The following UTS2 variants were observed in gnomAD, a reference collection of about 807,000 sequenced individuals.
UTS2 encodes urotensin 2, also known as urotensin-2.
UTS2 carries 10 observed loss-of-function variants against 12.6 expected under a neutral mutation model. That is an observed-to-expected ratio of 0.80 (90% CI 0.49 to 1.35). The LOEUF (loss-of-function observed/expected upper bound fraction) is 1.35. Among genes scored for constraint, UTS2 ranks in the 40% most tolerant of loss-of-function variants. UTS2 has a pLI of 0.00. For missense variants in UTS2, 142 were observed against 143.2 expected (o/e 0.99, Z 0.04); for synonymous variants, 52 against 50.0 (o/e 1.04, Z -0.17).
the UTS2 span, among the ~76,000 whole-genome samples, chr1:7,894,013 G>A: frequency 1.3e-5 from 2 of 152,106 alleles, no homozygotes; most frequent in East Asian, 3.8e-4. Context: ...CCCAGTGGTG[G>A]GGGTGCTTGG....
At chr1:7,911,738 C>T in the UTS2 span, among the ~76,000 whole-genome samples, 1 of 151,964 alleles carries the variant, frequency 6.6e-6, no homozygotes, top group African/African-American at 2.4e-5. Context: ...CCCGTCTCTA[C>T]TAAAAATACA....
chr1:7,892,901 T>C, the UTS2 span, among the ~76,000 whole-genome samples: 1 of 152,240 alleles, frequency 6.6e-6, no homozygotes, highest in Middle Eastern at 3.4e-3. Context: ...AAAAGTCCTT[T>C]TTGCCATGAA....
the UTS2 span, among the ~76,000 whole-genome samples, chr1:7,898,713 G>A: frequency 3.9e-5 from 6 of 151,910 alleles, no homozygotes; most frequent in Non-Finnish European, 5.9e-5. Flanking sequence ...TCCTGACCTC[G>A]TGATCCACCC....
the UTS2 span, among the ~76,000 whole-genome samples, chr1:7,896,342 C>A: frequency 5.3e-5 from 8 of 151,862 alleles, no homozygotes; most frequent in Non-Finnish European, 1.0e-4. Flanking sequence ...GTTAAAACTT[C>A]ATCAAATTAA....
At chr1:7,906,474 A>AGAAAGAAG in the UTS2 span, among the ~76,000 whole-genome samples, 2 of 146,056 alleles carry the variant, frequency 1.4e-5, no homozygotes, top group Non-Finnish European at 3.0e-5. Flanking sequence ...AAAGAAAGAA[A>AGAAAGAAG]GAAAGAAAGA....
the UTS2 span, among the ~76,000 whole-genome samples, chr1:7,891,578 AAGAAAGAAAGAAAG>A: frequency 6.6e-6 from 1 of 151,530 alleles, no homozygotes; most frequent in African/African-American, 2.4e-5. Context: ...GAAAGAAAGA[AAGAAAGAAAGAAAG>A]AAAGAAAATT....
At chr1:7,906,976 C>A in the UTS2 span, among the ~76,000 whole-genome samples, 1 of 152,062 alleles carries the variant, frequency 6.6e-6, no homozygotes, top group African/African-American at 2.4e-5. Context: ...ATGGGCTGCA[C>A]GCAGTGGCTC....
the UTS2 span, among the ~76,000 whole-genome samples, chr1:7,881,490 A>G: frequency 6.6e-6 from 1 of 152,230 alleles, no homozygotes; most frequent in Non-Finnish European, 1.5e-5. Flanking sequence ...ATACACCAAT[A>G]ATGAACTGAG....
chr1:7,881,489 T>C, the UTS2 span, among the ~76,000 whole-genome samples: 2 of 152,124 alleles, frequency 1.3e-5, no homozygotes, highest in African/African-American at 4.8e-5. Flanking sequence ...CATACACCAA[T>C]AATGAACTGA....
At chr1:7,858,295 A>T (rs1243794866), upstream of UTS2, among the ~76,000 whole-genome samples, 2 of 152,186 alleles carry the variant, frequency 1.3e-5, no homozygotes, top group African/African-American at 4.8e-5. Flanking sequence ...ATGGCTTCAC[A>T]TCTGTGCCAG....
the UTS2 span, among the ~76,000 whole-genome samples, chr1:7,884,302 A>ATTTT: frequency 0.014 from 1,906 of 140,130 alleles, 54 homozygotes; most frequent in African/African-American, 0.047. Context: ...ATAACATCTG[A>ATTTT]TTTTTTTTTT....
At chr1:7,849,313 C>T (rs1989147) in intron 3 of UTS2, among the ~76,000 whole-genome samples, 23,115 of 152,084 alleles carry the variant, frequency 0.15, 2,043 homozygotes, top group Admixed American at 0.19. Flanking sequence ...CTCCCGGGTT[C>T]AAGCGATTCT....
the UTS2 span, among the ~76,000 whole-genome samples, chr1:7,875,113 C>T: frequency 4.0e-5 from 6 of 150,768 alleles, no homozygotes; most frequent in Admixed American, 3.3e-4. Flanking sequence ...CTCACTCTGT[C>T]GCCCAGGCTG....
At chr1:7,913,228 C>G in the UTS2 span, among the ~76,000 whole-genome samples, 1 of 151,410 alleles carries the variant, frequency 6.6e-6, no homozygotes, top group African/African-American at 2.4e-5. Context: ...CCGGCAGTCT[C>G]TAGCTCAGCC....
chr1:7,905,811 G>A, the UTS2 span, among the ~76,000 whole-genome samples: 1 of 152,192 alleles, frequency 6.6e-6, no homozygotes, highest in Admixed American at 6.5e-5. Flanking sequence ...TGTAGGGTTT[G>A]TTGAGGTTGG....
At chr1:7,853,771 A>T (rs1638232144), upstream of UTS2, among the ~76,000 whole-genome samples, 2 of 152,210 alleles carry the variant, frequency 1.3e-5, no homozygotes, top group Admixed American at 6.5e-5. Context: ...ACTCTGCCCA[A>T]GCTGGTCCAA....
chr1:7,858,102 G>T (rs1320575059), upstream of UTS2, among the ~76,000 whole-genome samples: 1 of 152,086 alleles, frequency 6.6e-6, no homozygotes, highest in African/African-American at 2.4e-5. Flanking sequence ...GTGACTCAGG[G>T]GGTACTTCTG....
chr1:7,902,561 C>A, the UTS2 span, among the ~76,000 whole-genome samples: 2 of 152,116 alleles, frequency 1.3e-5, no homozygotes, highest in Non-Finnish European at 2.9e-5. Flanking sequence ...GGCGTCCCTA[C>A]TAAGGAGCCT....
rs536486376 is a variant in UTS2, at chr1:7,848,438, CAATA to C, written c.259-560_259-557del. Among the ~76,000 whole-genome samples, 473 of 152,008 alleles carry C rather than the reference CAATA, an allele frequency of 3.1e-3. 2 individuals carry two copies. The highest frequency in any genetic ancestry group is 6.8e-3 in the Middle Eastern group (2 of 294). On this transcript the variant is annotated intron_variant, in intron 3 of 3. Coordinates refer to ENST00000361696, the MANE Select transcript of UTS2 (RefSeq NM_006786.4). ...TGGGTAACAGAGCAAGACCCTGTCT[CAATA>C]AATAAATAAATAAATAGTAACATGT...
Sources: allele counts gnomAD v4.1 joint callset (sites outside exome capture counted in the v4.1 genomes callset), GRCh38; gene constraint gnomAD v4.1.1; transcripts MANE v1.5; gene names NCBI Gene and HGNC (gene_info 2026-07-23, HGNC 2026-07-21).